TBC1D8B: variants seen among roughly 807,000 people sequenced by gnomAD.
TBC1D8B encodes RP11-321G1.1.
Under a neutral mutation model 82.9 loss-of-function variants are expected in TBC1D8B, and 75 were observed. That is an observed-to-expected ratio of 0.90 (90% CI 0.75 to 1.10). TBC1D8B has a LOEUF of 1.10. TBC1D8B is among the 50% of genes least tolerant of loss of function. The pLI is 0.00. For synonymous variants in TBC1D8B, 276 were observed against 276.8 expected, an observed-to-expected ratio of 1.00 and a Z score of 0.03; for missense variants, 794 against 796.9, an observed-to-expected ratio of 1.00 and a Z score of 0.04.
intron 1 of TBC1D8B, among the ~76,000 whole-genome samples, chrX:106,807,676 C>A (rs964236872): frequency 9.0e-6 from 1 of 110,696 alleles, no homozygotes; most frequent in Non-Finnish European, 1.9e-5. Flanking sequence ...TTTCAGAGAA[C>A]GAAATGTTCC....
intron 14 of TBC1D8B, among the ~76,000 whole-genome samples, chrX:106,864,059 A>G (rs747253001): frequency 6.3e-5 from 7 of 111,284 alleles, no homozygotes; most frequent in African/African-American, 2.3e-4. Context: ...TTTGGCCTCT[A>G]TTGGGGCTGT....
intron 18 of TBC1D8B, 67 bp from the exon 19 acceptor site, chrX:106,869,418 C>A: frequency 1.0e-6 from 1 of 986,925 alleles, no homozygotes; most frequent in Non-Finnish European, 1.4e-6. Context: ...CTATATGAAA[C>A]ATTATTTTGC....
At chrX:106,869,748 T>G (rs1379655660) in intron 19 of TBC1D8B, among the ~76,000 whole-genome samples, 2 of 112,146 alleles carry the variant, frequency 1.8e-5, no homozygotes, top group Non-Finnish European at 3.8e-5. Context: ...TAGATAATTC[T>G]TAGAAAAGAA....
intron 11 of TBC1D8B, chrX:106,849,723 A>G (rs1007899314): frequency 1.2e-6 from 1 of 860,727 alleles, no homozygotes; most frequent in African/African-American, 2.1e-5. Context: ...GTTATGCTAG[A>G]TATTAAACTC....
chrX:106,821,765 C>T (rs754748323), intron 3 of TBC1D8B, among the ~76,000 whole-genome samples: 47 of 111,636 alleles, frequency 4.2e-4, no homozygotes, highest in South Asian at 1.5e-3. Context: ...GCATAGTCTT[C>T]GGTGCATGGC....
At chrX:106,833,494 C>A (rs5962369) in intron 7 of TBC1D8B, among the ~76,000 whole-genome samples, 7,163 of 111,857 alleles carry the variant, frequency 0.064, 596 homozygotes, top group African/African-American at 0.22. Flanking sequence ...TGTTCAAAAA[C>A]TTTAAGTTTA....
chrX:106,839,038 A>C (rs1932240289), intron 7 of TBC1D8B, among the ~76,000 whole-genome samples: 1 of 111,439 alleles, frequency 9.0e-6, no homozygotes, highest in Non-Finnish European at 1.9e-5. Flanking sequence ...CCTTTGGTTA[A>C]TTCCAGTGTT....
At chrX:106,817,874 T>G (rs1237162062) in intron 1 of TBC1D8B, among the ~76,000 whole-genome samples, 2 of 110,904 alleles carry the variant, frequency 1.8e-5, no homozygotes, top group Non-Finnish European at 3.8e-5. Flanking sequence ...CATTAGCATT[T>G]CTAGGTAAAA....
chrX:106,870,615 A>G, intron 19 of TBC1D8B, 101 bp from the exon 20 acceptor site: 1 of 500,574 alleles, frequency 2.0e-6, no homozygotes, highest in Non-Finnish European at 3.4e-6. Context: ...ATGGGATCTT[A>G]TATCTCAGTG....
intron 3 of TBC1D8B, among the ~76,000 whole-genome samples, chrX:106,821,691 A>G (rs1182520911): frequency 8.9e-6 from 1 of 111,885 alleles, no homozygotes; most frequent in Non-Finnish European, 1.9e-5. Flanking sequence ...ATATACCTAA[A>G]GTCATCTCTA....
rs779413401 is a variant in TBC1D8B at position 106,822,348 on chromosome X, G to A, written c.586+146G>A. 219 of 493,009 alleles carry A rather than the reference G, an allele frequency of 4.4e-4. 1 individual carries two copies. The African/African-American group carries it at 4.8e-3, about 11-fold the overall frequency. The allele number at this position is 493,009 out of a possible 1,213,427, so 40.6% of individuals were successfully genotyped here. On this transcript the variant is annotated intron_variant, in intron 4 of 20. Transcript: ENST00000357242. ...AAAAAGTTTATTTCATCTAGGGAAAGAACTCTTTTAAGACTGGTTGCTTAA... is the reference window on the plus strand; with the variant it reads ...AAAAAGTTTATTTCATCTAGGGAAAAAACTCTTTTAAGACTGGTTGCTTAA...
chrX:106,834,665 TG>T (rs1466804064), intron 7 of TBC1D8B, among the ~76,000 whole-genome samples: 1 of 111,583 alleles, frequency 9.0e-6, no homozygotes, highest in Non-Finnish European at 1.9e-5. Flanking sequence ...CTAGAGACAA[TG>T]GGGGTACAGG....
chrX:106,839,342 A>T lies in TBC1D8B; in HGVS notation c.1238A>T (p.Asp413Val), dbSNP rs1287123755. 2 of 1,187,935 alleles carry T rather than the reference A, an allele frequency of 1.7e-6. No individual in the cohort carries two copies. Among genetic ancestry groups the T allele is most frequent in the Non-Finnish European group, 2.3e-6 (2 of 883,329 alleles). The change falls in exon 8 of 21, where the codon GAT becomes GTT. Residue 413 changes from aspartate (D) to valine (V), a missense_variant. By Grantham distance (152) the Asp-to-Val change is radical (BLOSUM62 -3). Coordinates refer to ENST00000357242, the MANE Select transcript of TBC1D8B (RefSeq NM_017752.3). ...AISSESTEPS[D>V]NFEVQSLTSQ... ...AGTTCTGAGTCTACAGAGCCATCTG[A>T]TAATTTTGAGGTGCAATCTTTGACA...
intron 14 of TBC1D8B, among the ~76,000 whole-genome samples, chrX:106,861,346 T>C (rs778852458): frequency 8.0e-5 from 9 of 111,881 alleles, no homozygotes; most frequent in Non-Finnish European, 1.5e-4. Context: ...ACTATTATTG[T>C]GTAGTTATCT....
chrX:106,850,581 G>T lies in TBC1D8B; in HGVS notation c.2123+271G>T, dbSNP rs1431567049. The stretch of plus-strand genomic sequence containing the variant: ...GTATGCTAGGACTTTCATATTCCCA[G>T]TTTGAGCTATAAAGTGTCTATGTAG... On this transcript the variant is annotated intron_variant, in intron 12 of 20. Coordinates refer to ENST00000357242, the MANE Select transcript of TBC1D8B (RefSeq NM_017752.3). 2.7e-5 allele frequency among the ~76,000 whole-genome samples: 3 copies of T among 111,795 alleles called. No individual in the cohort carries two copies. The East Asian group carries it at 8.5e-4, about 32-fold the overall frequency.
Position 106,823,606 on chromosome X carries a change from T to G in TBC1D8B, c.827+140T>G, listed in dbSNP as rs1320446134. 7 of 612,784 alleles carry G rather than the reference T, an allele frequency of 1.1e-5. No individual in the cohort carries two copies. In the African/African-American group the frequency reaches 1.4e-4, roughly 12 times the overall value. 50.5% of individuals were successfully genotyped at this position (612,784 alleles called of 1,213,427 possible). A position where few individuals can be genotyped will look rare whatever the true frequency, so the allele number is the denominator to read the frequency against. On this transcript the variant is annotated intron_variant, in intron 5 of 20. Transcript: ENST00000357242. ...GAGTTGATTGTGGGTGTGTGTGTGT[T>G]TTGTGAGTTTATTCATATGCATTAC... is the stretch of plus-strand genomic sequence containing the variant.
rs914757644 is a variant in TBC1D8B, at chrX:106,822,582, A to G, written c.586+380A>G. On this transcript the variant is annotated intron_variant, in intron 4 of 20. Transcript: ENST00000357242. Reference sequence around the variant, plus strand: ...CCCACATCTCACTTTGTAGCTACAAAGAAGAATCAAACAGTGCTATTTATA... The same window carrying G: ...CCCACATCTCACTTTGTAGCTACAAGGAAGAATCAAACAGTGCTATTTATA... Among the ~76,000 whole-genome samples, 3 of 111,764 alleles carry G rather than the reference A, an allele frequency of 2.7e-5. No individual in the cohort carries two copies. The East Asian group carries it at 8.4e-4, about 31-fold the overall frequency.
intron 1 of TBC1D8B, among the ~76,000 whole-genome samples, chrX:106,817,721 A>G (rs1202589610): frequency 9.0e-6 from 1 of 111,431 alleles, no homozygotes; most frequent in East Asian, 2.8e-4. Context: ...TCTAAGTCCT[A>G]TGAATATTCA....
At position 106,827,206 on chromosome X, in the gene TBC1D8B, T is replaced by C; in HGVS notation, c.1072T>C (p.Ser358Pro). 1.7e-6 allele frequency: 2 copies of C among 1,210,979 alleles called. No homozygotes were observed. The highest frequency in any genetic ancestry group is 2.2e-6 in the Non-Finnish European group (2 of 895,030). The change falls in exon 7 of 21, where the codon TCT becomes CCT. Residue 358 changes from serine (S) to proline (P), a missense_variant. Physicochemically the swap from Ser to Pro is moderately conservative, Grantham distance 74 (BLOSUM62 -1). Coordinates refer to ENST00000357242, the MANE Select transcript of TBC1D8B (RefSeq NM_017752.3). ...AGATAAGACAAATGATTCCAGCAAA[T>C]CTGTCATCATTAGCATCAAAGGAAA... ...AIDKTNDSSK[S>P]VIISIKGKTA...
Sources: allele counts gnomAD v4.1 joint callset (sites outside exome capture counted in the v4.1 genomes callset), GRCh38; gene constraint gnomAD v4.1.1; transcripts MANE v1.5; gene names NCBI Gene and HGNC (gene_info 2026-07-23, HGNC 2026-07-21).